GLB1: variants seen among roughly 807,000 people sequenced by gnomAD.
The protein encoded by GLB1 is beta-galactosidase.
GLB1 carries 56 observed loss-of-function variants against 74.0 expected under a neutral mutation model. That is an observed-to-expected ratio of 0.76 (90% CI 0.61 to 0.94). GLB1 has a LOEUF of 0.94. Ranked by LOEUF, GLB1 falls within the 40% of genes least tolerant of loss-of-function variation. The pLI is 0.00. For synonymous variants in GLB1, 323 were observed against 323.6 expected (o/e 1.00, Z 0.02); for missense variants, 787 against 845.5 (o/e 0.93, Z 0.86).
chr3:32,962,412 T>C, the GLB1 span, among the ~76,000 whole-genome samples: 5 of 150,910 alleles, frequency 3.3e-5, no homozygotes, highest in African/African-American at 1.2e-4. Context: ...AGGGGAAATG[T>C]GATGTGCAGT....
chr3:33,042,370 C>CTT (rs66685286), intron 10 of GLB1, among the ~76,000 whole-genome samples: 3 of 99,240 alleles, frequency 3.0e-5, no homozygotes, highest in Admixed American at 1.3e-4. Flanking sequence ...TCATCTCCTC[C>CTT]TTTTTTTTTT....
the GLB1 span, among the ~76,000 whole-genome samples, chr3:32,961,278 A>G: frequency 1.1e-4 from 17 of 152,362 alleles, no homozygotes; most frequent in Non-Finnish European, 1.3e-4. Context: ...TCAGACTCCA[A>G]AATACCTGGA....
intron 1 of GLB1, chr3:33,094,046 CAG>C (rs1700893869): frequency 1.2e-6 from 2 of 1,614,142 alleles, no homozygotes; most frequent in Non-Finnish European, 1.7e-6. Flanking sequence ...AGTTGACAAA[CAG>C]GGCAAGCTGC....
At chr3:32,999,135 TC>T (rs1275771097) in intron 15 of GLB1, among the ~76,000 whole-genome samples, 1 of 152,170 alleles carries the variant, frequency 6.6e-6, no homozygotes, top group African/African-American at 2.4e-5. Context: ...AAACCACCTG[TC>T]TGTTGGATTA....
At chr3:33,072,282 T>C (rs1699915068) in intron 2 of GLB1, among the ~76,000 whole-genome samples, 1 of 152,256 alleles carries the variant, frequency 6.6e-6, no homozygotes, top group Non-Finnish European at 1.5e-5. Flanking sequence ...CAATCATTGT[T>C]ACTTCTGTTT....
intron 10 of GLB1, among the ~76,000 whole-genome samples, chr3:33,025,165 G>A (rs963909757): frequency 1.3e-5 from 2 of 152,214 alleles, no homozygotes; most frequent in African/African-American, 2.4e-5. Flanking sequence ...GGCTGGTCTC[G>A]AACTCCTGAT....
chr3:33,051,622 AAAAG>A, intron 9 of GLB1, 132 bp downstream of exon 9: 4 of 1,258,496 alleles, frequency 3.2e-6, no homozygotes, highest in South Asian at 1.4e-5. Flanking sequence ...AAAAAAAAGA[AAAAG>A]AAAAAAAAAG....
At chr3:32,998,216 T>C (rs1357908275) in intron 15 of GLB1, among the ~76,000 whole-genome samples, 3 of 152,242 alleles carry the variant, frequency 2.0e-5, no homozygotes, top group Non-Finnish European at 4.4e-5. Context: ...TGCTAAAATT[T>C]GCTCAAAGGG....
intron 11 of GLB1, among the ~76,000 whole-genome samples, chr3:33,022,564 A>AGTTTTTTTTTTTTTTTTTT (rs1697537822): frequency 9.4e-5 from 6 of 63,746 alleles, no homozygotes; most frequent in Non-Finnish European, 1.2e-4. Context: ...ACTGGTTAGG[A>AGTTTTTTTTTTTTTTTTTT]TTTTTTTTTT....
At chr3:33,094,003 G>A (rs761290773) in intron 1 of GLB1, 6 of 1,614,126 alleles carry the variant, frequency 3.7e-6, no homozygotes, top group East Asian at 4.5e-5. Flanking sequence ...ACTGTGCTGC[G>A]CCAAATGTAG....
intron 15 of GLB1, among the ~76,000 whole-genome samples, chr3:33,006,841 G>C (rs1055910311): frequency 6.6e-6 from 1 of 152,206 alleles, no homozygotes; most frequent in East Asian, 1.9e-4. Context: ...CAGGGCCTTT[G>C]ACAAGGGCCT....
intron 10 of GLB1, among the ~76,000 whole-genome samples, 171 bp downstream of exon 10, chr3:33,045,949 C>G (rs902169067): frequency 2.6e-5 from 4 of 152,174 alleles, no homozygotes; most frequent in African/African-American, 9.7e-5. Flanking sequence ...CTCATAGACT[C>G]ACTCTTAACC....
chr3:33,022,647 C>T (rs1697547299), intron 11 of GLB1, among the ~76,000 whole-genome samples: 1 of 135,070 alleles, frequency 7.4e-6, no homozygotes, highest in Non-Finnish European at 1.5e-5. Context: ...TCTTGGCTCA[C>T]TGTAACCTCC....
intron 1 of GLB1, among the ~76,000 whole-genome samples, chr3:33,084,640 C>A (rs1215660819): frequency 1.3e-5 from 2 of 152,180 alleles, no homozygotes; most frequent in Non-Finnish European, 2.9e-5. Context: ...GATTCCCAAT[C>A]CTCACGGACT....
chr3:32,982,224 A>G, the GLB1 span, among the ~76,000 whole-genome samples: 1 of 151,654 alleles, frequency 6.6e-6, no homozygotes, highest in East Asian at 1.9e-4. Flanking sequence ...GAGGCAGGAG[A>G]ATCTCTTGAA....
intron 10 of GLB1, among the ~76,000 whole-genome samples, chr3:33,028,666 AT>A (rs869252582): frequency 1.1e-3 from 154 of 146,208 alleles, no homozygotes; most frequent in Middle Eastern, 3.5e-3. Context: ...TTACCCAAAA[AT>A]TTTTTTTTTT....
the GLB1 span, among the ~76,000 whole-genome samples, chr3:32,984,256 C>T: frequency 6.6e-6 from 1 of 151,960 alleles, no homozygotes; most frequent in Non-Finnish European, 1.5e-5. Flanking sequence ...TGTCCCTACA[C>T]CCCCCTGAGA....
chr3:33,021,377 G>T (rs1413311030), intron 12 of GLB1, 189 bp downstream of exon 12: 2 of 663,496 alleles, frequency 3.0e-6, no homozygotes, highest in East Asian at 5.5e-5. Flanking sequence ...AAAAAATATA[G>T]GCATGATCAG....
At position 33,024,349 on chromosome 3, in the gene GLB1, G is replaced by A. The variant is rs769844335; in HGVS notation, c.1069-24C>T. 8 of 1,601,896 alleles carry A rather than the reference G, an allele frequency of 5.0e-6. 1 individual carries two copies. The South Asian group carries it at 9.0e-5, about 18-fold the overall frequency. ...AACTATAAACCAGAGTAGAAAAAGA[G>A]AGAAAAGAAAAAAAGTTGGTAAACC... On this transcript the variant is annotated intron_variant, in intron 10 of 15. Transcript: ENST00000307363.
Sources: allele counts gnomAD v4.1 joint callset (sites outside exome capture counted in the v4.1 genomes callset), GRCh38; gene constraint gnomAD v4.1.1; transcripts MANE v1.5; gene names NCBI Gene and HGNC (gene_info 2026-07-23, HGNC 2026-07-21).